Variants in FRMD6 observed in about 807,000 individuals in gnomAD.
The protein encoded by FRMD6 is FERM domain containing 6, also known as FERM domain-containing protein 6.
In FRMD6, 37 loss-of-function variants were observed where a neutral mutation model predicts 73.2. The ratio of observed to expected loss-of-function variants is 0.51; its 90% confidence interval spans 0.39 to 0.66. FRMD6 has a LOEUF of 0.66. Among genes scored for constraint, FRMD6 ranks in the 30% least tolerant of loss-of-function variants. The probability of loss-of-function intolerance (pLI) is 0.00; values close to 1 mark genes in which losing one functional copy is unlikely to be tolerated. For synonymous variants in FRMD6, 273 were observed against 282.2 expected (o/e 0.97, Z 0.33); for missense variants, 714 against 780.5 (o/e 0.91, Z 1.02).
At chr14:51,611,103 T>C (rs1422749013) in intron 2 of FRMD6, among the ~76,000 whole-genome samples, 1 of 152,164 alleles carries the variant, frequency 6.6e-6, no homozygotes, top group Non-Finnish European at 1.5e-5. Context: ...CCAGGCTTTG[T>C]GGTCTCTGAG....
At chr14:51,419,259 G>A in the FRMD6 span, among the ~76,000 whole-genome samples, 1 of 152,178 alleles carries the variant, frequency 6.6e-6, no homozygotes, top group Non-Finnish European at 1.5e-5. Flanking sequence ...AGTCTTCTGT[G>A]TCAGTCACAC....
intron 2 of FRMD6, 23 bp from the exon 3 acceptor site, chr14:51,698,119 C>A: frequency 1.3e-6 from 2 of 1,566,296 alleles, no homozygotes; most frequent in Non-Finnish European, 1.8e-6. Flanking sequence ...TGTTATTTTA[C>A]GTCGTGCCTT....
intron 1 of FRMD6, among the ~76,000 whole-genome samples, chr14:51,655,560 TA>T (rs1346966874): frequency 6.6e-6 from 1 of 152,154 alleles, no homozygotes; most frequent in Non-Finnish European, 1.5e-5. Context: ...TGGGGGCCTT[TA>T]AAAGTAAGTA....
intron 1 of FRMD6, among the ~76,000 whole-genome samples, chr14:51,561,208 T>A (rs981633990): frequency 6.6e-6 from 1 of 152,242 alleles, no homozygotes; most frequent in Non-Finnish European, 1.5e-5. Flanking sequence ...AGGATTCAGA[T>A]GAATTCAGCC....
rs1045369006 is a variant in FRMD6 at position 51,729,982 on chromosome 14, A to C, written c.*1953A>C. 1 of 152,668 alleles carries C rather than the reference A, an allele frequency of 6.6e-6. No individual in the cohort carries two copies. The highest frequency in any genetic ancestry group is 1.5e-5 in the Non-Finnish European group (1 of 68,052). The allele number at this position is 152,668 out of a possible 1,614,324, so 9.5% of individuals were successfully genotyped here. A position where few individuals can be genotyped will look rare whatever the true frequency, so the allele number is the denominator to read the frequency against. The stretch of plus-strand genomic sequence containing the variant: ...GATTAAAGTATGAAAGGATCATTTA[A>C]TGACTGTTTTACTTATAAGTCATTA... On this transcript the variant is annotated 3_prime_UTR_variant, in exon 14 of 14. Coordinates refer to ENST00000344768, the MANE Select transcript of FRMD6 (RefSeq NM_001267046.2).
At chr14:51,721,552 G>A (rs1897567012) in intron 11 of FRMD6, among the ~76,000 whole-genome samples, 1 of 149,674 alleles carries the variant, frequency 6.7e-6, no homozygotes, top group South Asian at 2.2e-4. Context: ...GGAGGTTGCA[G>A]TGAGCGGAGA....
At chr14:51,719,043 T>C (rs1447671271) in intron 10 of FRMD6, among the ~76,000 whole-genome samples, 2 of 152,216 alleles carry the variant, frequency 1.3e-5, no homozygotes, top group African/African-American at 4.8e-5. Flanking sequence ...ATTCCCCAAA[T>C]GCACTCTCCA....
At chr14:51,484,894 A>G (rs1882733231), upstream of FRMD6, among the ~76,000 whole-genome samples, 1 of 152,156 alleles carries the variant, frequency 6.6e-6, no homozygotes, top group African/African-American at 2.4e-5. Flanking sequence ...GTTTTGGTTG[A>G]CATTAGTTGA....
chr14:51,567,205 A>G (rs1186687713), intron 1 of FRMD6, among the ~76,000 whole-genome samples: 1 of 152,224 alleles, frequency 6.6e-6, no homozygotes, highest in East Asian at 1.9e-4. Flanking sequence ...ATGTATTTTA[A>G]TGTAAAATCT....
chr14:51,597,290 C>A (rs1889771425), intron 2 of FRMD6, among the ~76,000 whole-genome samples: 1 of 152,224 alleles, frequency 6.6e-6, no homozygotes, highest in African/African-American at 2.4e-5. Context: ...ACATGCCACA[C>A]AGTACAATGG....
At chr14:51,573,969 G>T (rs879768475) in intron 2 of FRMD6, among the ~76,000 whole-genome samples, 6 of 152,168 alleles carry the variant, frequency 3.9e-5, no homozygotes, top group East Asian at 3.8e-4. Context: ...ATAATAATTA[G>T]TTATTACTAA....
At chr14:51,663,316 A>G (rs1488648728) in intron 1 of FRMD6, among the ~76,000 whole-genome samples, 1 of 152,238 alleles carries the variant, frequency 6.6e-6, no homozygotes, top group African/African-American at 2.4e-5. Flanking sequence ...ATGCATGCAT[A>G]TGTTCATTGC....
At chr14:51,697,338 A>G (rs1896015540) in intron 2 of FRMD6, among the ~76,000 whole-genome samples, 1 of 152,184 alleles carries the variant, frequency 6.6e-6, no homozygotes, top group African/African-American at 2.4e-5. Context: ...CAGCCTTTAA[A>G]AAGAAGGAAA....
chr14:51,561,825 C>G (rs1345342978), intron 1 of FRMD6, among the ~76,000 whole-genome samples: 1 of 152,058 alleles, frequency 6.6e-6, no homozygotes, highest in Non-Finnish European at 1.5e-5. Flanking sequence ...TATCATAGTT[C>G]ACTAAGAAGA....
chr14:51,466,931 G>C, the FRMD6 span, among the ~76,000 whole-genome samples: 5 of 151,496 alleles, frequency 3.3e-5, no homozygotes, highest in African/African-American at 1.2e-4. Context: ...GCAGCTTTTA[G>C]TGTAAAAGTC....
At chr14:51,599,062 T>A (rs1889883517) in intron 2 of FRMD6, among the ~76,000 whole-genome samples, 1 of 37,344 alleles carries the variant, frequency 2.7e-5, no homozygotes, top group African/African-American at 9.6e-5. Context: ...ATCTGTCTTT[T>A]TTTTTTTTTT....
chr14:51,446,314 C>T, the FRMD6 span, among the ~76,000 whole-genome samples: 2 of 152,032 alleles, frequency 1.3e-5, no homozygotes, highest in African/African-American at 4.8e-5. Flanking sequence ...GAAAATTTAC[C>T]CTATAAATAC....
intron 1 of FRMD6, among the ~76,000 whole-genome samples, chr14:51,551,323 G>T (rs551327889): frequency 1.3e-5 from 2 of 152,242 alleles, no homozygotes; most frequent in African/African-American, 4.8e-5. Flanking sequence ...AAGTATATAG[G>T]TTCATCGTAG....
At chr14:51,639,041 C>T (rs1041974517) in intron 2 of FRMD6, among the ~76,000 whole-genome samples, 1 of 151,504 alleles carries the variant, frequency 6.6e-6, no homozygotes, top group Non-Finnish European at 1.5e-5. Context: ...AGAAAGTGGA[C>T]ACTTCAAGTG....
Sources: gnomAD v4.1 joint callset for allele counts (sites outside exome capture counted in the v4.1 genomes callset) on GRCh38, gnomAD v4.1.1 for gene constraint, MANE v1.5 for transcripts, NCBI Gene and HGNC (gene_info 2026-07-23, HGNC 2026-07-21) for gene names.